Variants in CCDC30 observed in about 807,000 individuals in gnomAD.
CCDC30 encodes coiled-coil domain containing 30.
Under a neutral mutation model 100.2 loss-of-function variants are expected in CCDC30, and 70 were observed. The ratio of observed to expected loss-of-function variants is 0.70; its 90% CI spans 0.58 to 0.85. The LOEUF (loss-of-function observed/expected upper bound fraction) is 0.85, where lower values mean the gene tolerates loss of function less well. Among genes scored for constraint, CCDC30 ranks in the 40% least tolerant of loss-of-function variants. The pLI, the probability that CCDC30 is intolerant of heterozygous loss-of-function variation, is 0.00. For missense variants in CCDC30, 652 were observed against 771.2 expected, an observed-to-expected ratio of 0.85 and a Z score of 1.83; for synonymous variants, 233 against 269.5, an observed-to-expected ratio of 0.86 and a Z score of 1.33.
chr1:42,500,353 A>G, intron 6 of CCDC30: 1 of 1,574,552 alleles, frequency 6.4e-7, no homozygotes. Context: ...TGCCGAGGAA[A>G]AGCGGAGTGA....
intron 11 of CCDC30, among the ~76,000 whole-genome samples, chr1:42,623,008 C>G (rs1646869961): frequency 6.6e-6 from 1 of 152,124 alleles, no homozygotes; most frequent in South Asian, 2.1e-4. Context: ...TTTCATATGC[C>G]TGTTTGCCAT....
At chr1:42,460,047 G>T, upstream of CCDC30, 2 of 1,427,648 alleles carry the variant, frequency 1.4e-6, no homozygotes, top group East Asian at 2.5e-5. Flanking sequence ...AGGCAGTGGT[G>T]TGTAGGCAAA....
At chr1:42,595,925 C>T (rs980244298) in intron 10 of CCDC30, among the ~76,000 whole-genome samples, 4 of 152,064 alleles carry the variant, frequency 2.6e-5, no homozygotes, top group Non-Finnish European at 5.9e-5. Context: ...GCCTCTGGTG[C>T]GAATGCAAAA....
chr1:42,549,905 C>T (rs975597227), intron 6 of CCDC30, among the ~76,000 whole-genome samples: 9 of 152,200 alleles, frequency 5.9e-5, no homozygotes, highest in Non-Finnish European at 1.0e-4. Context: ...TTCCAACACA[C>T]TCTCATTCAC....
chr1:42,530,153 A>C (rs61777385), intron 6 of CCDC30, among the ~76,000 whole-genome samples: 1 of 152,168 alleles, frequency 6.6e-6, no homozygotes, highest in Non-Finnish European at 1.5e-5. Flanking sequence ...TCTACTTTTC[A>C]AGTATCATCA....
intron 14 of CCDC30, 36 bp downstream of exon 18, chr1:42,644,843 T>G (rs1269452795): frequency 1.5e-6 from 2 of 1,360,526 alleles, no homozygotes; most frequent in South Asian, 2.3e-5. Flanking sequence ...CTGCCTTTAA[T>G]GTGAAGTTCG....
chr1:42,653,299 A>G, intron 15 of CCDC30, 77 bp from the exon 20 acceptor site: 1 of 725,256 alleles, frequency 1.4e-6, no homozygotes, highest in East Asian at 2.8e-5. Flanking sequence ...TCTATTATAT[A>G]TATATTTTTT....
chr1:42,556,536 G>A, intron 6 of CCDC30, 131 bp downstream of exon 10: 1 of 971,328 alleles, frequency 1.0e-6, no homozygotes, highest in Non-Finnish European at 1.5e-6. Context: ...GTAGATGTGT[G>A]TATTTATGGA....
chr1:42,534,945 A>C (rs1220963759), intron 6 of CCDC30: 1 of 152,108 alleles, frequency 6.6e-6, no homozygotes, highest in Non-Finnish European at 1.5e-5. Flanking sequence ...ATAGAAGAGA[A>C]ACCAGTACAA....
chr1:42,509,158 C>G (rs1173776656), intron 6 of CCDC30, among the ~76,000 whole-genome samples: 1 of 152,164 alleles, frequency 6.6e-6, no homozygotes, highest in Non-Finnish European at 1.5e-5. Flanking sequence ...AGTTTTGACC[C>G]AACCAACTCC....
At chr1:42,548,334 G>A (rs562686029) in intron 6 of CCDC30, among the ~76,000 whole-genome samples, 1 of 152,182 alleles carries the variant, frequency 6.6e-6, no homozygotes, top group African/African-American at 2.4e-5. Context: ...CAGCAGTTTA[G>A]TATAGGCAAG....
chr1:42,457,685 G>T, the CCDC30 span: 359 of 240,978 alleles, frequency 1.5e-3, 2 homozygotes, highest in African/African-American at 7.8e-3. Flanking sequence ...GAGCGCGGTG[G>T]CTCACGCCTG....
At chr1:42,619,067 C>T (rs919509786) in intron 11 of CCDC30, among the ~76,000 whole-genome samples, 2 of 151,936 alleles carry the variant, frequency 1.3e-5, no homozygotes, top group Non-Finnish European at 2.9e-5. Context: ...AAAAAAAAAT[C>T]GGGGTATATA....
intron 6 of CCDC30, among the ~76,000 whole-genome samples, chr1:42,564,490 A>G (rs1317550928): frequency 9.6e-6 from 1 of 104,080 alleles, no homozygotes; most frequent in Non-Finnish European, 2.1e-5. Context: ...GGGTTTCGCC[A>G]TGTTGACCAG....
At chr1:42,571,505 A>G (rs937264516) in intron 7 of CCDC30, 6 of 152,104 alleles carry the variant, frequency 3.9e-5, no homozygotes, top group African/African-American at 1.4e-4. Context: ...AAAAAAATGA[A>G]CCAGAAGGTG....
intron 6 of CCDC30, among the ~76,000 whole-genome samples, chr1:42,516,042 C>A (rs571659840): frequency 1.3e-5 from 2 of 152,048 alleles, no homozygotes; most frequent in Admixed American, 6.6e-5. Flanking sequence ...GCTTTAAATT[C>A]TTTGGGGTAT....
intron 9 of CCDC30, among the ~76,000 whole-genome samples, chr1:42,588,522 A>T (rs11210676): frequency 4.6e-5 from 7 of 151,962 alleles, no homozygotes; most frequent in African/African-American, 1.2e-4. Flanking sequence ...GTAACTCATT[A>T]GGGAGAGTGA....
intron 11 of CCDC30, among the ~76,000 whole-genome samples, chr1:42,634,982 G>A (rs1040102780): frequency 1.1e-4 from 17 of 152,034 alleles, no homozygotes; most frequent in Admixed American, 6.6e-5. Context: ...ATGCTTTCAA[G>A]GTTCATGTTG....
exon 14 of CCDC30, chr1:42,644,743 G>A (rs190370892): frequency 5.3e-5 from 85 of 1,613,554 alleles, no homozygotes; most frequent in Admixed American, 1.3e-4. Flanking sequence ...AATAGTCTTC[G>A]TCTCACACAG....
Sources: gnomAD v4.1 joint callset for allele counts (sites outside exome capture counted in the v4.1 genomes callset) on GRCh38, gnomAD v4.1.1 for gene constraint, MANE v1.5 for transcripts, NCBI Gene and HGNC (gene_info 2026-07-23, HGNC 2026-07-21) for gene names.